The following MSR1 variants were observed in gnomAD, a reference collection of about 807,000 sequenced individuals.
MSR1 encodes the protein macrophage scavenger receptor 1.
Under a neutral mutation model 47.2 loss-of-function variants are expected in MSR1, and 53 were observed. The observed-to-expected ratio is 1.12, with a 90% CI of 0.90 to 1.41. The LOEUF is 1.41. Ranked by LOEUF, MSR1 falls within the 40% of genes most tolerant of loss-of-function variation. MSR1 has a pLI of 0.00. For synonymous variants in MSR1, 239 were observed against 185.6 expected (o/e 1.29, Z -2.34); for missense variants, 786 against 546.9 (o/e 1.44, Z -4.36).
intron 1 of MSR1, among the ~76,000 whole-genome samples, chr8:16,184,301 T>G (rs1233372939): frequency 6.6e-6 from 1 of 152,008 alleles, no homozygotes; most frequent in African/African-American, 2.4e-5. Flanking sequence ...TCCTGCACAT[T>G]ACAACAGGCA....
At position 16,116,986 on chromosome 8, in the gene MSR1, T is replaced by G. The variant is rs375426394; in HGVS notation, c.1222+3432A>C. On this transcript the variant is annotated intron_variant, in intron 9 of 9. Transcript: ENST00000262101. Reference sequence around the variant, plus strand: ...TACTGTTGCTCTCCATTTGATTTTCTCTTTGTAATAGATGAAAAAGCCTCA... The same window carrying G: ...TACTGTTGCTCTCCATTTGATTTTCGCTTTGTAATAGATGAAAAAGCCTCA... Among the ~76,000 whole-genome samples the G allele has an allele frequency of 4.3e-4, 66 of 152,266 alleles. 1 individual carries two copies. The highest frequency in any genetic ancestry group is 1.6e-3 in the African/African-American group (65 of 41,562).
intron 5 of MSR1, 61 bp from the exon 6 acceptor site, chr8:16,155,205 T>A: frequency 8.3e-7 from 1 of 1,202,004 alleles, no homozygotes; most frequent in Non-Finnish European, 1.2e-6. Context: ...GGGTTAGTCA[T>A]CTGTCAAGGT....
intron 1 of MSR1, chr8:16,186,142 A>G: frequency 6.5e-7 from 1 of 1,529,098 alleles, no homozygotes; most frequent in Non-Finnish European, 8.8e-7. Context: ...GCATAAATGA[A>G]AGTTGTTCAT....
rs572061741 is a variant in MSR1 at position 16,124,742 on chromosome 8, G to A, written c.1034-4136C>T. Among the ~76,000 whole-genome samples, 122 of 152,170 alleles carry A rather than the reference G, an allele frequency of 8.0e-4. 1 individual carries two copies. The highest frequency in any genetic ancestry group is 1.1e-3 in the Non-Finnish European group (74 of 67,994). ...TTCCCCAGTAGACTGAAAGAAACCC[G>A]TTATAGTCATCTTTTCAGCATCTGA... On this transcript the variant is annotated intron_variant, in intron 8 of 9. Transcript: ENST00000262101.
chr8:16,156,778 T>C (rs910513671), intron 5 of MSR1, among the ~76,000 whole-genome samples: 3 of 151,896 alleles, frequency 2.0e-5, no homozygotes, highest in African/African-American at 7.2e-5. Context: ...GTGTATTATA[T>C]TCTAAGGTAT....
intron 5 of MSR1, among the ~76,000 whole-genome samples, chr8:16,156,092 A>G (rs1286892203): frequency 6.6e-6 from 1 of 151,968 alleles, no homozygotes; most frequent in Admixed American, 6.6e-5. Context: ...CAGAGGACAA[A>G]TAATCTCTTC....
intron 4 of MSR1, among the ~76,000 whole-genome samples, chr8:16,165,972 G>A (rs898798171): frequency 1.3e-5 from 2 of 152,060 alleles, no homozygotes; most frequent in African/African-American, 2.4e-5. Flanking sequence ...GAGCATGGAT[G>A]TTTGTAGGGC....
At chr8:16,185,869 C>T (rs1167410010) in intron 1 of MSR1, among the ~76,000 whole-genome samples, 1 of 146,288 alleles carries the variant, frequency 6.8e-6, no homozygotes, top group African/African-American at 2.5e-5. Context: ...AAACACCACA[C>T]ACATAAACTT....
At chr8:16,149,910 G>A (rs928650332) in intron 7 of MSR1, among the ~76,000 whole-genome samples, 1 of 151,524 alleles carries the variant, frequency 6.6e-6, no homozygotes, top group Non-Finnish European at 1.5e-5. Context: ...ATTGTGAGGA[G>A]TTTATAACTC....
chr8:16,122,699 G>C (rs777347725), intron 8 of MSR1, among the ~76,000 whole-genome samples: 2 of 151,998 alleles, frequency 1.3e-5, no homozygotes, highest in Non-Finnish European at 2.9e-5. Context: ...TAGAAGAGGA[G>C]ACATATTATA....
chr8:16,163,084 T>G (rs1011582380), intron 5 of MSR1, among the ~76,000 whole-genome samples: 6 of 152,088 alleles, frequency 3.9e-5, no homozygotes, highest in African/African-American at 1.4e-4. Flanking sequence ...AAGATAAATG[T>G]TAAGGTCAAC....
rs550922818 is a variant in MSR1, at chr8:16,133,450, T to G, written c.1033+10108A>C. ...AATTGTCCTAGTTTGATGAGAGAAA[T>G]GAGCAAGAGCATTGTCATGATGGAG... On this transcript the variant is annotated intron_variant, in intron 8 of 9. Transcript: ENST00000262101. Among the ~76,000 whole-genome samples the G allele has an allele frequency of 3.9e-5, 6 of 152,240 alleles. No individual in the cohort carries two copies. The East Asian group carries it at 1.2e-3, about 29-fold the overall frequency.
intron 7 of MSR1, among the ~76,000 whole-genome samples, chr8:16,145,140 A>T (rs1028448713): frequency 6.6e-6 from 1 of 152,124 alleles, no homozygotes; most frequent in Non-Finnish European, 1.5e-5. Context: ...TCAGGTCATA[A>T]TATCAAATTT....
chr8:16,143,467 T>C (rs1800615161), intron 8 of MSR1, 91 bp downstream of exon 8: 1 of 1,086,236 alleles, frequency 9.2e-7, no homozygotes, highest in Admixed American at 1.7e-5. Flanking sequence ...TGTGCTGAAG[T>C]TGCGAACATT....
chr8:16,128,674 T>C (rs1228642261), intron 8 of MSR1, among the ~76,000 whole-genome samples: 2 of 152,174 alleles, frequency 1.3e-5, no homozygotes, highest in Non-Finnish European at 2.9e-5. Flanking sequence ...CATACTTCAG[T>C]GCATATAAAC....
intron 6 of MSR1, among the ~76,000 whole-genome samples, chr8:16,154,752 G>A (rs34824494): frequency 0.01 from 1,520 of 151,962 alleles, 27 homozygotes; most frequent in South Asian, 0.045. Context: ...ACTGTTTGCT[G>A]TCTATTATAT....
chr8:16,183,092 C>G (rs1263115096), intron 1 of MSR1, among the ~76,000 whole-genome samples: 1 of 152,090 alleles, frequency 6.6e-6, no homozygotes, highest in Non-Finnish European at 1.5e-5. Flanking sequence ...TACATATGGT[C>G]CTGTGTTGAC....
At chr8:16,182,287 G>A (rs1020210421) in intron 1 of MSR1, among the ~76,000 whole-genome samples, 2 of 152,198 alleles carry the variant, frequency 1.3e-5, no homozygotes, top group Non-Finnish European at 2.9e-5. Context: ...AGGACTGGAA[G>A]TTGCTCTGGG....
intron 1 of MSR1, among the ~76,000 whole-genome samples, chr8:16,192,123 A>G (rs1563177473): frequency 1.3e-5 from 2 of 152,276 alleles, no homozygotes; most frequent in South Asian, 4.1e-4. Flanking sequence ...TAGTTCAATG[A>G]AGTGCATATA....
Sources: gnomAD v4.1 joint callset for allele counts (sites outside exome capture counted in the v4.1 genomes callset) on GRCh38, gnomAD v4.1.1 for gene constraint, MANE v1.5 for transcripts, NCBI Gene and HGNC (gene_info 2026-07-23, HGNC 2026-07-21) for gene names.